The following DNAH17 variants were observed in gnomAD, a reference collection of about 807,000 sequenced individuals.
DNAH17 encodes axonemal beta dynein heavy chain 17.
DNAH17 carries 376 observed loss-of-function variants against 485.6 expected under a neutral mutation model. The observed-to-expected ratio is 0.77, with a 90% CI of 0.71 to 0.84. The LOEUF (loss-of-function observed/expected upper bound fraction) is 0.84, where lower values mean the gene tolerates loss of function less well. DNAH17 is among the 40% of genes least tolerant of loss of function. The pLI is 0.00. For missense variants in DNAH17, 6,370 were observed against 5,839.3 expected (o/e 1.09, Z -2.96); for synonymous variants, 3,031 against 2,405.9 (o/e 1.26, Z -7.60).
chr17:78,574,638 A>G, intron 2 of DNAH17, 75 bp downstream of exon 2: 2 of 1,316,542 alleles, frequency 1.5e-6, no homozygotes, highest in Non-Finnish European at 2.1e-6. Flanking sequence ...CTCCAGGCTG[A>G]GCAGCAGGAC....
intron 80 of DNAH17, chr17:78,425,071 C>G (rs1439805147): frequency 1.2e-5 from 4 of 339,706 alleles, no homozygotes; most frequent in Admixed American, 4.5e-5. Flanking sequence ...CGGAGCTGCT[C>G]TCTCACAAGC....
In DNAH17 at chr17:78,561,912, T is replaced by C. The variant is rs139704186; in HGVS notation, c.1638A>G (p.Ser546=). 5,639 of 1,613,664 alleles carry C rather than the reference T, an allele frequency of 3.5e-3. 14 individuals carry two copies. Among genetic ancestry groups the C allele is most frequent in the Non-Finnish European group, 4.0e-3 (4,681 of 1,179,724 alleles). ...LILAEVAPRY[S]VMLELFDAEL... is the part of the protein sequence containing the mutation. The stretch of plus-strand genomic sequence containing the variant: ...CAGCGTCAAACAGCTCCAGCATGAC[T>C]GAATACCTGGGCGCCACCTCGGCAA... The change falls in exon 12 of 81, where the codon TCA becomes TCG. Residue 546 remains serine, a synonymous_variant. Transcript: ENST00000389840.
intron 74 of DNAH17, among the ~76,000 whole-genome samples, chr17:78,436,919 G>A (rs2086867837): frequency 6.6e-6 from 1 of 152,128 alleles, no homozygotes; most frequent in South Asian, 2.1e-4. Flanking sequence ...CTGCATCTGG[G>A]GGAAGCCTTG....
In DNAH17 at chr17:78,490,817, G is replaced by T. The variant is rs1473932677; in HGVS notation, c.6700C>A (p.Pro2234Thr). ...ACCAGCCTCATGGTGCGGTTCAGGG[G>T]GATCCGCTCGTTGCTGGCCAGGGTG... ...VLTLASNERI[P>T]LNRTMRLVFE... The change falls in exon 44 of 81, where the codon CCC (proline) becomes ACC (threonine). Residue 2234 changes from proline (P) to threonine (T), a missense_variant. By Grantham distance (38) the Pro-to-Thr change is conservative. Coordinates refer to ENST00000389840, the MANE Select transcript of DNAH17 (RefSeq NM_173628.4). 1 of 1,603,614 alleles carries T rather than the reference G, an allele frequency of 6.2e-7. No homozygotes were observed. The highest frequency in any genetic ancestry group is 8.5e-7 in the Non-Finnish European group (1 of 1,175,184).
At chr17:78,558,697 C>T (rs369329596) in intron 13 of DNAH17, among the ~76,000 whole-genome samples, 3 of 152,256 alleles carry the variant, frequency 2.0e-5, no homozygotes, top group Admixed American at 2.0e-4. Flanking sequence ...CTCCTACCTA[C>T]TACCCACAAG....
intron 10 of DNAH17, 90 bp from the exon 11 acceptor site, chr17:78,566,820 C>T (rs2092274766): frequency 2.8e-5 from 37 of 1,324,172 alleles, no homozygotes; most frequent in Middle Eastern, 3.6e-4. Context: ...TGAGAGGACT[C>T]GGGACTGAGG....
chr17:78,459,809 G>A lies in DNAH17; in HGVS notation c.9628C>T (p.Pro3210Ser), dbSNP rs368278448. The change falls in exon 60 of 81, where the codon CCT (proline) becomes TCT (serine). Residue 3210 changes from proline (P) to serine (S), a missense_variant. Physicochemically the swap from Pro to Ser is moderately conservative, Grantham distance 74. Coordinates refer to ENST00000389840, the MANE Select transcript of DNAH17 (RefSeq NM_173628.4). ...SLKKFDKEHI[P>S]EACLKAFKPY... The stretch of plus-strand genomic sequence containing the variant: ...TTGAAGGCCTTCAGGCAGGCCTCAG[G>A]GATGTGCTCCTTGTCGAACTTCTTC... 16 of 1,613,938 alleles carry A rather than the reference G, an allele frequency of 9.9e-6. No homozygotes were observed. Among genetic ancestry groups the A allele is most frequent in the African/African-American group, 1.3e-5 (1 of 74,946 alleles).
chr17:78,510,737 T>C, intron 26 of DNAH17: 1 of 419,436 alleles, frequency 2.4e-6, no homozygotes, highest in Non-Finnish European at 4.1e-6. Flanking sequence ...GCACCTGCAC[T>C]GGGCGGAATT....
chr17:78,557,305 G>A (rs1036164272), intron 14 of DNAH17, among the ~76,000 whole-genome samples: 20 of 152,038 alleles, frequency 1.3e-4, no homozygotes, highest in Admixed American at 2.6e-4. Flanking sequence ...TGTTCAGGAG[G>A]GTAAATAGAT....
chr17:78,466,618 G>A, intron 56 of DNAH17, 37 bp downstream of exon 56: 1 of 1,576,916 alleles, frequency 6.3e-7, no homozygotes, highest in East Asian at 2.3e-5. Context: ...TGTCCTCTGG[G>A]CTCTACACTC....
At chr17:78,512,266 C>T (rs540899374) in intron 26 of DNAH17, among the ~76,000 whole-genome samples, 9 of 152,314 alleles carry the variant, frequency 5.9e-5, no homozygotes, top group South Asian at 2.1e-4. Flanking sequence ...ATGTTCTCAC[C>T]GTTGTTCTTG....
chr17:78,553,089 C>T (rs989435118), intron 14 of DNAH17, among the ~76,000 whole-genome samples: 2 of 151,944 alleles, frequency 1.3e-5, no homozygotes, highest in African/African-American at 4.8e-5. Flanking sequence ...ACAGGTGTAG[C>T]ACCTCCCCCA....
At chr17:78,492,393 C>T (rs1473623713) in intron 42 of DNAH17, among the ~76,000 whole-genome samples, 2 of 152,166 alleles carry the variant, frequency 1.3e-5, no homozygotes, top group Non-Finnish European at 2.9e-5. Context: ...TCGGGGCAGG[C>T]CTGCAGTCCT....
intron 22 of DNAH17, among the ~76,000 whole-genome samples, chr17:78,528,531 G>A (rs1452745770): frequency 2.0e-5 from 3 of 152,174 alleles, no homozygotes; most frequent in Admixed American, 1.3e-4. Context: ...TGGAGTCGGT[G>A]CATAAGACAG....
intron 74 of DNAH17, among the ~76,000 whole-genome samples, chr17:78,436,794 G>A (rs1334130652): frequency 1.3e-5 from 2 of 152,040 alleles, no homozygotes; most frequent in South Asian, 4.1e-4. Context: ...GCAGTGAGCC[G>A]AGATTACACC....
chr17:78,537,343 C>T lies in DNAH17; in HGVS notation c.2815G>A (p.Ala939Thr). The T allele has an allele frequency of 6.2e-7, 1 of 1,602,214 alleles. No homozygotes were observed. Among genetic ancestry groups the T allele is most frequent in the Non-Finnish European group, 8.5e-7 (1 of 1,174,828 alleles). ...EGLVNDIYNV[A>T]RLIPRLAKDR... ...TTGGCCAGCCGAGGGATGAGCCTGGCTACGTTGTAGATGTCGTTGACCAGG... is the reference window on the plus strand; with the variant it reads ...TTGGCCAGCCGAGGGATGAGCCTGGTTACGTTGTAGATGTCGTTGACCAGG... The change falls in exon 19 of 81, where the codon GCC becomes ACC. Residue 939 changes from alanine to threonine, a missense_variant. Ala to Thr is a moderately conservative substitution (Grantham distance 58). Coordinates refer to ENST00000389840, the MANE Select transcript of DNAH17 (RefSeq NM_173628.4).
intron 36 of DNAH17, 60 bp from the exon 37 acceptor site, chr17:78,499,172 G>C (rs978804151): frequency 1.6e-6 from 2 of 1,229,596 alleles, no homozygotes; most frequent in Non-Finnish European, 2.2e-6. Flanking sequence ...GGCGGGCGCT[G>C]CAGGGGCCTC....
intron 69 of DNAH17, among the ~76,000 whole-genome samples, chr17:78,447,106 T>A (rs2146480794): frequency 6.6e-6 from 1 of 152,252 alleles, no homozygotes; most frequent in Non-Finnish European, 1.5e-5. Flanking sequence ...ACCTAGCTAT[T>A]TTTTTGTGGA....
chr17:78,550,013 G>A (rs1026556411), intron 16 of DNAH17, among the ~76,000 whole-genome samples: 1 of 152,208 alleles, frequency 6.6e-6, no homozygotes, highest in African/African-American at 2.4e-5. Context: ...GAAACAAAGT[G>A]AAGAGATCGA....
Sources: allele counts gnomAD v4.1 joint callset (sites outside exome capture counted in the v4.1 genomes callset), GRCh38; gene constraint gnomAD v4.1.1; transcripts MANE v1.5; gene names NCBI Gene and HGNC (gene_info 2026-07-23, HGNC 2026-07-21).